Variants in UMAD1 observed in about 807,000 individuals in gnomAD.
UMAD1 encodes UBAP1-MVB12-associated (UMA)-domain containing protein 1.
Under a neutral mutation model 6.1 loss-of-function variants are expected in UMAD1, and 8 were observed. The observed-to-expected ratio is 1.30, with a 90% CI of 0.76 to 2.35. The LOEUF (loss-of-function observed/expected upper bound fraction) is 2.35. Ranked by LOEUF, UMAD1 falls within the 30% of genes most tolerant of loss-of-function variation. The probability of loss-of-function intolerance (pLI) is 0.00; values close to 1 mark genes in which losing one functional copy is unlikely to be tolerated. For missense variants in UMAD1, 130 were observed against 78.4 expected (o/e 1.66, Z -2.49); for synonymous variants, 56 against 31.4 (o/e 1.78, Z -2.61).
chr7:7,810,869 G>A (rs1280146029), intron 3 of UMAD1, among the ~76,000 whole-genome samples: 1 of 152,124 alleles, frequency 6.6e-6, no homozygotes, highest in Admixed American at 6.6e-5. Flanking sequence ...TAGGTTTAAG[G>A]TCTCTTAATT....
intron 3 of UMAD1, among the ~76,000 whole-genome samples, chr7:7,810,860 A>G (rs1783006711): frequency 6.6e-6 from 1 of 152,212 alleles, no homozygotes; most frequent in Non-Finnish European, 1.5e-5. Context: ...TGACTCATTT[A>G]GGTTTAAGGT....
rs542847684 is a variant in UMAD1, at chr7:7,718,638, T to A, written c.82+45185T>A. 72 of 152,320 alleles carry A rather than the reference T, an allele frequency of 4.7e-4. 1 individual carries two copies. The highest frequency in any genetic ancestry group is 1.7e-3 in the African/African-American group (72 of 41,574). The allele number at this position is 152,320 out of a possible 1,614,324, so 9.4% of individuals were successfully genotyped here. ...GATCTGATGATGCTAGGATTTTATT[T>A]TTTCTTTTATTTTAAAGTTCTTCTG... On this transcript the variant is annotated intron_variant, in intron 2 of 3. Coordinates refer to ENST00000682710, the MANE Select transcript of UMAD1 (RefSeq NM_001302348.2).
intron 2 of UMAD1, among the ~76,000 whole-genome samples, chr7:7,695,563 T>C (rs1563130505): frequency 6.6e-6 from 1 of 152,202 alleles, no homozygotes; most frequent in Non-Finnish European, 1.5e-5. Context: ...ACACTCAAGC[T>C]TTTCATGTTC....
intron 1 of UMAD1, among the ~76,000 whole-genome samples, chr7:7,668,975 CT>C (rs1779538053): frequency 6.6e-6 from 1 of 152,092 alleles, no homozygotes; most frequent in Non-Finnish European, 1.5e-5. Context: ...ATGGACATAG[CT>C]TTGGGATGTG....
At chr7:7,843,378 A>G (rs1783719805) in intron 3 of UMAD1, among the ~76,000 whole-genome samples, 1 of 152,198 alleles carries the variant, frequency 6.6e-6, no homozygotes. Flanking sequence ...TCTCCTGTGA[A>G]GAATAGTAAA....
chr7:7,778,290 G>GAGAGAC (rs1554327298), intron 2 of UMAD1, among the ~76,000 whole-genome samples: 2 of 151,184 alleles, frequency 1.3e-5, no homozygotes, highest in African/African-American at 4.9e-5. Flanking sequence ...GAGAGAGAGA[G>GAGAGAC]AGAGAGACAG....
At chr7:7,662,481 G>A (rs1785499645) in intron 1 of UMAD1, among the ~76,000 whole-genome samples, 1 of 152,178 alleles carries the variant, frequency 6.6e-6, no homozygotes. Flanking sequence ...TGTGGGTTGC[G>A]AAGACCGTGG....
intron 3 of UMAD1, among the ~76,000 whole-genome samples, chr7:7,821,339 G>C (rs976056701): frequency 6.6e-6 from 1 of 152,086 alleles, no homozygotes; most frequent in African/African-American, 2.4e-5. Context: ...TAAAATATCT[G>C]AATATTTTAT....
chr7:7,726,799 T>C (rs1781147033), intron 2 of UMAD1, among the ~76,000 whole-genome samples: 1 of 152,204 alleles, frequency 6.6e-6, no homozygotes, highest in Non-Finnish European at 1.5e-5. Flanking sequence ...TTTGGGCACC[T>C]CCCACCTTTA....
chr7:7,757,707 A>T (rs1388761682), intron 2 of UMAD1, among the ~76,000 whole-genome samples: 1 of 152,202 alleles, frequency 6.6e-6, no homozygotes, highest in Non-Finnish European at 1.5e-5. Context: ...CAATTTCTTT[A>T]GCTTCTCTGA....
intron 1 of UMAD1, among the ~76,000 whole-genome samples, chr7:7,672,307 A>G (rs1779626287): frequency 6.6e-6 from 1 of 152,150 alleles, no homozygotes; most frequent in Non-Finnish European, 1.5e-5. Flanking sequence ...TTGTTGGCCT[A>G]CTTGAATGTA....
chr7:7,790,143 C>T (rs1165729383), intron 2 of UMAD1, among the ~76,000 whole-genome samples: 1 of 152,184 alleles, frequency 6.6e-6, no homozygotes, highest in Non-Finnish European at 1.5e-5. Context: ...TGTCCATGTA[C>T]CACTTGCATT....
chr7:7,827,395 T>G (rs1433190318), intron 3 of UMAD1, among the ~76,000 whole-genome samples: 2 of 152,080 alleles, frequency 1.3e-5, no homozygotes, highest in African/African-American at 4.8e-5. Context: ...TCCTCCTGTA[T>G]TCAACTTGTG....
rs28912703 is a variant in UMAD1, at chr7:7,695,462, C to A, written c.82+22009C>A. 4.5e-3 allele frequency among the ~76,000 whole-genome samples: 678 copies of A among 152,172 alleles called. 7 individuals are homozygous for A. The highest frequency in any genetic ancestry group is 0.016 in the African/African-American group (652 of 41,522). On this transcript the variant is annotated intron_variant, in intron 2 of 3. Coordinates refer to ENST00000682710, the MANE Select transcript of UMAD1 (RefSeq NM_001302348.2). ...TGATTTTTTTTACTCTGATTCTGTC[C>A]ATTTAATTTTTATTACATGTTTCTC...
chr7:7,670,739 C>T (rs1779586131), intron 1 of UMAD1, among the ~76,000 whole-genome samples: 1 of 152,148 alleles, frequency 6.6e-6, no homozygotes, highest in South Asian at 2.1e-4. Context: ...CCCTCCTTTA[C>T]CCTTACACCC....
At chr7:7,666,486 A>C (rs987074320) in intron 1 of UMAD1, among the ~76,000 whole-genome samples, 2 of 151,932 alleles carry the variant, frequency 1.3e-5, no homozygotes, top group Non-Finnish European at 2.9e-5. Flanking sequence ...GGAATTACAG[A>C]TGTGAGCCCC....
At chr7:7,871,765 C>T (rs1043529908) in intron 3 of UMAD1, among the ~76,000 whole-genome samples, 8 of 151,682 alleles carry the variant, frequency 5.3e-5, no homozygotes, top group Admixed American at 2.6e-4. Context: ...AAGCATGTCC[C>T]AATTTTTTTA....
chr7:7,877,654 A>G lies in UMAD1; in HGVS notation c.*116A>G, dbSNP rs1034403400. The G allele has an allele frequency of 9.1e-5, 56 of 617,816 alleles. No homozygotes were observed. The highest frequency in any genetic ancestry group is 5.0e-4 in the Middle Eastern group (2 of 3,964). The allele number at this position is 617,816 out of a possible 1,614,324, so 38.3% of individuals were successfully genotyped here. A position where few individuals can be genotyped will look rare whatever the true frequency, so the allele number is the denominator to read the frequency against. ...AGGTCCTCAGCAAGGATCATAAAGC[A>G]AAGAAAATAGCATTATGTTCACTAC... On this transcript the variant is annotated 3_prime_UTR_variant, in exon 4 of 4. Transcript: ENST00000682710.
At chr7:7,852,389 A>C (rs1403333760) in intron 3 of UMAD1, among the ~76,000 whole-genome samples, 1 of 151,992 alleles carries the variant, frequency 6.6e-6, no homozygotes, top group African/African-American at 2.4e-5. Context: ...TTTTCGAGAT[A>C]GTGTCAGATC....
Sources: allele counts gnomAD v4.1 joint callset (sites outside exome capture counted in the v4.1 genomes callset), GRCh38; gene constraint gnomAD v4.1.1; transcripts MANE v1.5; gene names NCBI Gene and HGNC (gene_info 2026-07-23, HGNC 2026-07-21).